NUP214: variants seen among roughly 807,000 people sequenced by gnomAD.
NUP214 encodes the protein nucleoporin 214, also known as nuclear pore complex protein Nup214.
Under a neutral mutation model 196.2 loss-of-function variants are expected in NUP214, and 79 were observed. The observed-to-expected ratio is 0.40, with a 90% CI of 0.34 to 0.49. The LOEUF is 0.49. Among genes scored for constraint, NUP214 ranks in the 20% least tolerant of loss-of-function variants. The pLI is 0.58. For synonymous variants in NUP214, 1,020 were observed against 990.5 expected, an observed-to-expected ratio of 1.03 and a Z score of -0.56; for missense variants, 2,468 against 2,539.0, an observed-to-expected ratio of 0.97 and a Z score of 0.60.
intron 26 of NUP214, chr9:131,190,500 G>A (rs757753895): frequency 2.8e-5 from 19 of 685,880 alleles, no homozygotes; most frequent in Non-Finnish European, 4.2e-5. Flanking sequence ...GTTTAGAAAA[G>A]AACTTTTTTC....
chr9:131,222,823 G>T lies in NUP214; in HGVS notation c.5795G>T (p.Gly1932Val). The T allele has an allele frequency of 6.2e-7, 1 of 1,614,166 alleles. No individual in the cohort carries two copies. The highest frequency in any genetic ancestry group is 1.3e-5 in the African/African-American group (1 of 75,042). ...AACAGTGGGGCCAAGACATTTGGTG[G>T]ATTTGCCAGCTCGTCGTTTGGAGAG... ...FGNSGAKTFGGFASSSFGEQK... is the reference protein window; with the variant it reads ...FGNSGAKTFGVFASSSFGEQK... Residue 1932 changes from glycine (G) to valine (V), a missense_variant, in exon 32 of 36, where the codon GGA becomes GTA. By Grantham distance (109) the Gly-to-Val change is moderately radical (BLOSUM62 -3). Coordinates refer to ENST00000359428, the MANE Select transcript of NUP214 (RefSeq NM_005085.4).
chr9:131,180,824 G>A (rs1398672475), intron 24 of NUP214, among the ~76,000 whole-genome samples: 1 of 152,152 alleles, frequency 6.6e-6, no homozygotes, highest in Non-Finnish European at 1.5e-5. Flanking sequence ...TTATTTTGGT[G>A]TGCATTCATT....
intron 17 of NUP214, among the ~76,000 whole-genome samples, chr9:131,155,334 A>G (rs1237411291): frequency 6.6e-6 from 1 of 151,638 alleles, no homozygotes; most frequent in East Asian, 1.9e-4. Flanking sequence ...TTTTGATGGG[A>G]TTGTTTGTTT....
Position 131,127,581 on chromosome 9 carries a change from C to T in NUP214, c.103C>T (p.Pro35Ser). Residue 35 changes from proline to serine, a missense_variant, in exon 2 of 36, where the codon CCC becomes TCC. This residue lies in a region of NUP214 where 392 missense variants were observed against 417.9 expected (regional missense o/e 0.94). Transcript: ENST00000359428. ...VRIFDSPEEL[P>S]KERSSLLAVS... ...AATCTTTGACTCCCCTGAGGAATTG[C>T]CCAAGGAACGCTCGAGTCTGCTTGC... The T allele has an allele frequency of 6.2e-7, 1 of 1,614,034 alleles. No individual in the cohort carries two copies.
Position 131,162,973 on chromosome 9 carries a change from T to C in NUP214, c.2541-18T>C. ...TTGAACCATTCATGTTTAATTCTTT[T>C]CTCATTGTTGTCAACAGGCACCTGC... is the stretch of plus-strand genomic sequence containing the variant. On this transcript the variant is annotated intron_variant, in intron 18 of 35. Transcript: ENST00000359428. The C allele has an allele frequency of 6.2e-7, 1 of 1,613,590 alleles. No individual in the cohort carries two copies. The highest frequency in any genetic ancestry group is 8.5e-7 in the Non-Finnish European group (1 of 1,179,604).
At chr9:131,154,434 G>T (rs181262408) in intron 17 of NUP214, among the ~76,000 whole-genome samples, 1 of 150,852 alleles carries the variant, frequency 6.6e-6, no homozygotes, top group East Asian at 1.9e-4. Context: ...CTATCTATCT[G>T]TCTGTCTGTC....
intron 28 of NUP214, 59 bp downstream of exon 28, chr9:131,195,353 A>AT (rs751601798): frequency 5.1e-6 from 7 of 1,376,638 alleles, no homozygotes; most frequent in South Asian, 1.2e-5. Context: ...AGTACAGGTT[A>AT]TTTTTGCCCA....
chr9:131,212,775 A>C (rs1834281361), intron 30 of NUP214, among the ~76,000 whole-genome samples: 1 of 152,220 alleles, frequency 6.6e-6, no homozygotes, highest in Non-Finnish European at 1.5e-5. Context: ...ATGGTCATGT[A>C]GTGATGGTTT....
intron 24 of NUP214, among the ~76,000 whole-genome samples, chr9:131,185,537 A>G (rs1337875221): frequency 1.3e-5 from 2 of 152,266 alleles, no homozygotes; most frequent in East Asian, 3.8e-4. Context: ...AAAGTGGAAT[A>G]AAGTCACCTA....
In NUP214 at chr9:131,233,746, C is replaced by A; in HGVS notation, c.*259C>A. 2.0e-6 allele frequency: 1 copy of A among 502,538 alleles called. No individual in the cohort carries two copies. Among genetic ancestry groups the A allele is most frequent in the Non-Finnish European group, 3.7e-6 (1 of 268,316 alleles). The allele number at this position is 502,538 out of a possible 1,614,324, so 31.1% of individuals were successfully genotyped here. The stretch of plus-strand genomic sequence containing the variant: ...TTTCAGATCACAGCCAAGAAGATTG[C>A]CCCGTTTCTGTGGCTCTGAGAAGCC... On this transcript the variant is annotated 3_prime_UTR_variant, in exon 36 of 36. Transcript: ENST00000359428.
Position 131,135,999 on chromosome 9 carries a change from G to A in NUP214, c.998G>A (p.Ser333Asn). The change falls in exon 9 of 36, where the codon AGT becomes AAT. Residue 333 changes from serine to asparagine, a missense_variant. Ser to Asn is a conservative substitution (Grantham distance 46). Coordinates refer to ENST00000359428, the MANE Select transcript of NUP214 (RefSeq NM_005085.4). ...GAAGTTAGTATCCTTGCTCGACAAA[G>A]TGATCAGGTAAATCTCTTTTTTGTC... ...STEVSILARQSDQINWESWLL... is the reference protein window; with the variant it reads ...STEVSILARQNDQINWESWLL... 1 of 1,612,644 alleles carries A rather than the reference G, an allele frequency of 6.2e-7. No individual in the cohort carries two copies. Among genetic ancestry groups the A allele is most frequent in the Non-Finnish European group, 8.5e-7 (1 of 1,178,670 alleles).
intron 27 of NUP214, among the ~76,000 whole-genome samples, chr9:131,193,637 T>TTTC: frequency 2.4e-5 from 2 of 81,698 alleles, no homozygotes; most frequent in African/African-American, 5.1e-5. Context: ...TTCTTTTTTT[T>TTTC]TTTTTTTTTT....
Position 131,215,336 on chromosome 9 carries a change from C to T in NUP214, c.5717C>T (p.Ala1906Val), listed in dbSNP as rs1418943350. The T allele has an allele frequency of 3.1e-6, 5 of 1,601,720 alleles. No homozygotes were observed. Among genetic ancestry groups the T allele is most frequent in the Non-Finnish European group, 4.3e-6 (5 of 1,174,182 alleles). The part of the protein sequence containing the change: ...DAANKNPFSS[A>V]SGGFGSTATS... ...GCCAACAAAAACCCATTCAGCTCGG[C>T]CAGTGGGGGCTTTGGATCCACAGCT... Residue 1906 changes from alanine to valine, a missense_variant, in exon 31 of 36, where the codon GCC becomes GTC. Coordinates refer to ENST00000359428, the MANE Select transcript of NUP214 (RefSeq NM_005085.4).
At position 131,201,578 on chromosome 9, in the gene NUP214, AC is replaced by A; in HGVS notation, c.5522-68del. 1.8e-5 allele frequency: 24 copies of A among 1,325,734 alleles called. No individual in the cohort carries two copies. The African/African-American group carries it at 2.2e-4, about 12-fold the overall frequency. 82.1% of individuals were successfully genotyped at this position (1,325,734 alleles called of 1,614,324 possible). On this transcript the variant is annotated intron_variant, in intron 29 of 35. Transcript: ENST00000359428. ...GACTCTGCCTCAAAAAAAAAAAACA[AC>A]AAAACTTTAATGTTGTAAAAGACTC...
chr9:131,141,478 CTT>C (rs3057295), intron 11 of NUP214, among the ~76,000 whole-genome samples: 4 of 118,710 alleles, frequency 3.4e-5, no homozygotes, highest in Non-Finnish European at 1.7e-5. Flanking sequence ...TGAAAAGAAA[CTT>C]TTTTTTTTTT....
At chr9:131,134,213 A>G (rs969983839) in intron 7 of NUP214, among the ~76,000 whole-genome samples, 44 of 152,138 alleles carry the variant, frequency 2.9e-4, no homozygotes, top group African/African-American at 1.0e-3. Context: ...TCAGAGCACT[A>G]GGATTACAGG....
At chr9:131,134,010 G>C (rs973937077) in intron 7 of NUP214, among the ~76,000 whole-genome samples, 1 of 152,086 alleles carries the variant, frequency 6.6e-6, no homozygotes, top group African/African-American at 2.4e-5. Flanking sequence ...GTAGTGGTGC[G>C]ATCACAGCTC....
chr9:131,223,739 T>TA (rs1564219842), intron 32 of NUP214, among the ~76,000 whole-genome samples: 714 of 26,478 alleles, frequency 0.027, 27 homozygotes, highest in African/African-American at 0.076. Context: ...TTTTTTTTTT[T>TA]TTTTTTTTTT....
chr9:131,172,902 T>TTTTG (rs1337606335), intron 21 of NUP214, among the ~76,000 whole-genome samples: 1 of 152,188 alleles, frequency 6.6e-6, no homozygotes, highest in Non-Finnish European at 1.5e-5. Flanking sequence ...GGCTAGATTA[T>TTTTG]TTTGTTTGGT....
Sources: allele counts gnomAD v4.1 joint callset (sites outside exome capture counted in the v4.1 genomes callset), GRCh38; gene constraint gnomAD v4.1.1; regional missense constraint gnomAD v4.1.1; transcripts MANE v1.5; gene names NCBI Gene and HGNC (gene_info 2026-07-23, HGNC 2026-07-21).